Variants in ARHGEF10L observed in about 807,000 individuals in gnomAD.
The protein encoded by ARHGEF10L is rho guanine nucleotide exchange factor 10-like protein.
ARHGEF10L carries 69 observed loss-of-function variants against 141.2 expected under a neutral mutation model. That is an observed-to-expected ratio of 0.49 (90% CI 0.40 to 0.60). The LOEUF (loss-of-function observed/expected upper bound fraction) is 0.60, where lower values mean the gene tolerates loss of function less well. Among genes scored for constraint, ARHGEF10L ranks in the 20% least tolerant of loss-of-function variants. ARHGEF10L has a pLI of 0.00. For synonymous variants in ARHGEF10L, 711 were observed against 718.5 expected (o/e 0.99, Z 0.17); for missense variants, 1,482 against 1,734.3 (o/e 0.85, Z 2.58).
intron 1 of ARHGEF10L, among the ~76,000 whole-genome samples, chr1:17,544,953 A>G (rs1309837166): frequency 5.9e-5 from 9 of 152,150 alleles, no homozygotes; most frequent in Non-Finnish European, 5.9e-5. Context: ...CTTATTCACT[A>G]TCATGAGAAC....
At chr1:17,624,661 A>C (rs2060283798) in intron 13 of ARHGEF10L, among the ~76,000 whole-genome samples, 158 bp downstream of exon 13, 1 of 152,046 alleles carries the variant, frequency 6.6e-6, no homozygotes, top group South Asian at 2.1e-4. Context: ...ATGGGAAGAA[A>C]ATCGTTCCCT....
intron 7 of ARHGEF10L, among the ~76,000 whole-genome samples, chr1:17,608,591 A>AGG (rs1376807299): frequency 6.6e-6 from 1 of 152,034 alleles, no homozygotes; most frequent in Non-Finnish European, 1.5e-5. Context: ...GGAGCCCCTG[A>AGG]GGCTGTGAGG....
chr1:17,544,031 C>T (rs2100637475), intron 1 of ARHGEF10L, among the ~76,000 whole-genome samples: 1 of 151,900 alleles, frequency 6.6e-6, no homozygotes, highest in Non-Finnish European at 1.5e-5. Flanking sequence ...ACTGCAACCT[C>T]CACCTCCTGG....
intron 26 of ARHGEF10L, among the ~76,000 whole-genome samples, chr1:17,667,185 G>A (rs564770834): frequency 1.3e-5 from 2 of 152,358 alleles, no homozygotes; most frequent in Admixed American, 6.5e-5. Flanking sequence ...GCCCATTCAG[G>A]GCAGTGGTGT....
intron 15 of ARHGEF10L, among the ~76,000 whole-genome samples, chr1:17,631,366 C>T (rs1160758370): frequency 6.6e-6 from 1 of 152,134 alleles, no homozygotes; most frequent in African/African-American, 2.4e-5. Flanking sequence ...TGACATCCAG[C>T]CTGAGGTTGG....
Position 17,655,963 on chromosome 1 carries a change from C to A in ARHGEF10L, c.2566C>A (p.Pro856Thr). 6.4e-7 allele frequency: 1 copy of A among 1,563,438 alleles called. No homozygotes were observed. The highest frequency in any genetic ancestry group is 2.4e-5 in the East Asian group (1 of 42,226). Residue 856 changes from proline (P) to threonine (T), a missense_variant, in exon 24 of 29, where the codon CCA (proline) becomes ACA (threonine). Pro to Thr is a conservative substitution (Grantham distance 38, BLOSUM62 -1). Transcript: ENST00000361221. Reference sequence around the variant, plus strand: ...CTCGCCCCGCACCGTCAAGTCCTTCCCACTGGCAGCCCCTGTGCTCTGCAT... The same window carrying A: ...CTCGCCCCGCACCGTCAAGTCCTTCACACTGGCAGCCCCTGTGCTCTGCAT... ...RPSPRTVKSF[P>T]LAAPVLCMEY...
chr1:17,602,347 G>A, intron 5 of ARHGEF10L, 129 bp downstream of exon 5: 3 of 1,088,496 alleles, frequency 2.8e-6, no homozygotes, highest in Non-Finnish European at 3.9e-6. Flanking sequence ...GGGCTTCTGT[G>A]GCCCTGGAGG....
chr1:17,587,356 T>C, intron 2 of ARHGEF10L, 104 bp from the exon 3 acceptor site: 1 of 1,181,428 alleles, frequency 8.5e-7, no homozygotes, highest in Non-Finnish European at 1.2e-6. Flanking sequence ...GGCTCAGACC[T>C]GAGGTGCTCA....
chr1:17,651,754 G>A (rs1284123314), intron 22 of ARHGEF10L, among the ~76,000 whole-genome samples: 5 of 152,150 alleles, frequency 3.3e-5, no homozygotes, highest in Non-Finnish European at 7.3e-5. Flanking sequence ...CCTTAGGAGC[G>A]CCAGGGCTAG....
rs909357827 is a variant in ARHGEF10L at position 17,603,299 on chromosome 1, G to A, written c.350-209G>A. 1.5e-5 allele frequency among the ~76,000 whole-genome samples: 2 copies of A among 133,470 alleles called. No individual in the cohort carries two copies. The highest frequency in any genetic ancestry group is 3.2e-5 in the Non-Finnish European group (2 of 62,496). The allele number at this position is 133,470 out of a possible 152,430, so 87.6% of individuals were successfully genotyped here. The stretch of plus-strand genomic sequence containing the variant: ...CAGGTGGGGTCTGTGCAGTCACTGG[G>A]AGGGCGCCTTGGAGGGGGTGGGGGG... On this transcript the variant is annotated intron_variant, in intron 5 of 28. Transcript: ENST00000361221. The surrounding 1 kb of genome is among the most constrained non-coding windows in gnomAD (Gnocchi z 4.8).
chr1:17,612,220 G>A (rs1323511747), intron 7 of ARHGEF10L, among the ~76,000 whole-genome samples: 1 of 152,146 alleles, frequency 6.6e-6, no homozygotes, highest in Non-Finnish European at 1.5e-5. Flanking sequence ...TGGAATTGGT[G>A]GAAGTATTCA....
intron 26 of ARHGEF10L, among the ~76,000 whole-genome samples, chr1:17,665,689 T>C (rs2062933796): frequency 6.6e-6 from 1 of 152,248 alleles, no homozygotes; most frequent in African/African-American, 2.4e-5. Flanking sequence ...GGAATCCTTT[T>C]CCTTACTGTA....
At chr1:17,640,390 C>T (rs945061782) in intron 21 of ARHGEF10L, 88 bp downstream of exon 21, 23 of 1,103,706 alleles carry the variant, frequency 2.1e-5, no homozygotes, top group African/African-American at 4.7e-5. Context: ...GATGGGTGTT[C>T]GGGGTCAGCG....
At chr1:17,572,363 T>A (rs1162173143) in intron 1 of ARHGEF10L, among the ~76,000 whole-genome samples, 1 of 152,204 alleles carries the variant, frequency 6.6e-6, no homozygotes, top group Non-Finnish European at 1.5e-5. Flanking sequence ...AGCTCCCACC[T>A]GTGACCGATG....
chr1:17,656,489 TG>T lies in ARHGEF10L; in HGVS notation c.2706-60del. ...CTGGGGCCCTCTCCCTAGGAGGGCA[TG>T]GGGGCAGTGAGTGGGTGGGAGTGCT... On this transcript the variant is annotated intron_variant, in intron 24 of 28. Coordinates refer to ENST00000361221, the MANE Select transcript of ARHGEF10L (RefSeq NM_018125.4). This position sits in a 1 kb window ranked among gnomAD's most constrained non-coding sequence, Gnocchi z 4.9. 6.4e-7 allele frequency: 1 copy of T among 1,554,108 alleles called. No individual in the cohort carries two copies. Among genetic ancestry groups the T allele is most frequent in the Non-Finnish European group, 8.8e-7 (1 of 1,142,214 alleles).
Position 17,607,891 on chromosome 1 carries a change from G to A in ARHGEF10L, c.523G>A (p.Glu175Lys), listed in dbSNP as rs1458961579. 2 of 1,568,600 alleles carry A rather than the reference G, an allele frequency of 1.3e-6. No individual in the cohort carries two copies. Among genetic ancestry groups the A allele is most frequent in the Non-Finnish European group, 8.6e-7 (1 of 1,160,178 alleles). The change falls in exon 7 of 29, where the codon GAG becomes AAG. Residue 175 changes from glutamate to lysine, a missense_variant. Glu to Lys is a moderately conservative substitution (Grantham distance 56). Around this residue, in one of 3 missense-constraint regions of ARHGEF10L, gnomAD observed 392 missense variants for 542.1 expected, o/e 0.72. Transcript: ENST00000361221. The surrounding 1 kb of genome is among the most constrained non-coding windows in gnomAD (Gnocchi z 4.5). ...EDLGWSSSEF[E>K]SYSEDSGEEA... ...CCTAGGCTGGAGCTCCAGTGAGTTC[G>A]AGAGCTACAGCGAGGACTCGGGGGA...
intron 28 of ARHGEF10L, among the ~76,000 whole-genome samples, chr1:17,696,206 C>T (rs1277755220): frequency 1.6e-5 from 1 of 62,086 alleles, no homozygotes; most frequent in African/African-American, 5.5e-5. Flanking sequence ...GAGTGAGACA[C>T]CATCTCAAAA....
rs569666030 is a variant in ARHGEF10L, at chr1:17,546,698, G to A, written c.-44+6748G>A. On this transcript the variant is annotated intron_variant, in intron 1 of 28. Transcript: ENST00000361221. ...CTTTCTTAGTTCGGAGTTAATGTAT[G>A]TTTTTTTAATTCAGTGTTGGCAAGG... 3.9e-5 allele frequency among the ~76,000 whole-genome samples: 6 copies of A among 152,214 alleles called. No individual in the cohort carries two copies. The South Asian group carries it at 1.0e-3, about 26-fold the overall frequency.
chr1:17,565,244 A>T (rs1278250726), intron 1 of ARHGEF10L, among the ~76,000 whole-genome samples: 1 of 152,176 alleles, frequency 6.6e-6, no homozygotes, highest in Non-Finnish European at 1.5e-5. Context: ...TACCTCCCCA[A>T]AGCCCCACTG....
Sources: allele counts gnomAD v4.1 joint callset (sites outside exome capture counted in the v4.1 genomes callset), GRCh38; gene constraint gnomAD v4.1.1; regional missense constraint gnomAD v4.1.1; non-coding constraint Gnocchi (gnomAD v3.1); transcripts MANE v1.5; gene names NCBI Gene and HGNC (gene_info 2026-07-23, HGNC 2026-07-21).